The following MYO3A variants were observed in gnomAD, a reference collection of about 807,000 sequenced individuals.
The protein encoded by MYO3A is myosin IIIA, also known as myosin-IIIa.
A neutral mutation model predicts 192.7 loss-of-function variants in MYO3A; 180 were observed. The observed-to-expected ratio is 0.93, with a 90% confidence interval of 0.83 to 1.06. MYO3A has a LOEUF of 1.06. MYO3A is among the 50% of genes least tolerant of loss of function. The pLI is 0.00. For synonymous variants in MYO3A, 628 were observed against 645.3 expected (o/e 0.97, Z 0.41); for missense variants, 1,896 against 1,905.0 (o/e 1.00, Z 0.09).
chr10:26,151,526 A>T (rs1346678329), intron 23 of MYO3A, among the ~76,000 whole-genome samples: 1 of 152,024 alleles, frequency 6.6e-6, no homozygotes, highest in African/African-American at 2.4e-5. Context: ...ATCTTTTTCC[A>T]TACTCTTAAT....
intron 4 of MYO3A, among the ~76,000 whole-genome samples, chr10:25,956,263 G>A (rs1443930383): frequency 6.6e-6 from 1 of 151,924 alleles, no homozygotes; most frequent in Non-Finnish European, 1.5e-5. Flanking sequence ...AGGGGACACA[G>A]CCAAAGTGTA....
At chr10:25,983,269 T>A (rs1839443583) in intron 4 of MYO3A, among the ~76,000 whole-genome samples, 1 of 151,778 alleles carries the variant, frequency 6.6e-6, no homozygotes, top group South Asian at 2.1e-4. Flanking sequence ...TTGTTTTTTT[T>A]TTTTGAGACA....
chr10:25,992,338 T>C (rs1262370313), intron 4 of MYO3A, among the ~76,000 whole-genome samples: 1 of 152,236 alleles, frequency 6.6e-6, no homozygotes, highest in African/African-American at 2.4e-5. Flanking sequence ...TAAGAATGCT[T>C]GTGATTTTTG....
intron 3 of MYO3A, among the ~76,000 whole-genome samples, chr10:25,953,256 G>A (rs994342448): frequency 5.9e-5 from 9 of 151,992 alleles, no homozygotes; most frequent in South Asian, 2.1e-4. Flanking sequence ...CCATTTGTTC[G>A]TCTTAGGGTT....
At chr10:25,994,916 G>A (rs1392053395) in intron 4 of MYO3A, among the ~76,000 whole-genome samples, 6 of 152,156 alleles carry the variant, frequency 3.9e-5, no homozygotes, top group African/African-American at 9.7e-5. Flanking sequence ...TGGGTAACCC[G>A]ATCTTTCTCT....
intron 14 of MYO3A, among the ~76,000 whole-genome samples, chr10:26,077,431 T>C (rs1835662894): frequency 6.6e-6 from 1 of 151,838 alleles, no homozygotes; most frequent in Admixed American, 6.6e-5. Flanking sequence ...TAAATTATCA[T>C]ATCATCAGCA....
intron 22 of MYO3A, 74 bp from the exon 23 acceptor site, chr10:26,147,356 A>G (rs1840530431): frequency 7.2e-7 from 1 of 1,396,624 alleles, no homozygotes. Context: ...TCTGTTGTTG[A>G]TGATGATGAT....
At chr10:25,936,482 A>C (rs950443374) in intron 2 of MYO3A, among the ~76,000 whole-genome samples, 8 of 152,262 alleles carry the variant, frequency 5.3e-5, no homozygotes, top group Admixed American at 3.9e-4. Flanking sequence ...TCCTTTCATT[A>C]GTTTTGTCCG....
At chr10:26,207,300 T>C (rs773197008) in intron 34 of MYO3A, among the ~76,000 whole-genome samples, 1 of 152,202 alleles carries the variant, frequency 6.6e-6, no homozygotes, top group Admixed American at 6.5e-5. Flanking sequence ...ACCAATGTCA[T>C]GGAGGTTTTC....
intron 27 of MYO3A, among the ~76,000 whole-genome samples, chr10:26,167,482 T>G (rs1034530904): frequency 3.3e-5 from 5 of 152,212 alleles, no homozygotes; most frequent in African/African-American, 7.2e-5. Context: ...CTGAAACACA[T>G]GCCTAACTTC....
chr10:26,203,221 G>A, intron 34 of MYO3A, 114 bp downstream of exon 34: 1 of 1,173,690 alleles, frequency 8.5e-7, no homozygotes, highest in Non-Finnish European at 1.2e-6. Flanking sequence ...ACTGAATATT[G>A]CATCTTTGGA....
chr10:26,078,757 T>C (rs1190634269), intron 14 of MYO3A, among the ~76,000 whole-genome samples: 2 of 152,158 alleles, frequency 1.3e-5, no homozygotes, highest in Non-Finnish European at 2.9e-5. Context: ...TTGATTTTGT[T>C]TTTGACTCAA....
chr10:26,000,448 C>CA (rs967482500), intron 6 of MYO3A, among the ~76,000 whole-genome samples: 8 of 151,250 alleles, frequency 5.3e-5, no homozygotes, highest in Middle Eastern at 3.4e-3. Context: ...ATGCAAATTG[C>CA]AAAAAAAATG....
chr10:26,158,008 A>G (rs1468995939), intron 26 of MYO3A, among the ~76,000 whole-genome samples: 1 of 152,126 alleles, frequency 6.6e-6, no homozygotes, highest in Non-Finnish European at 1.5e-5. Context: ...TCCCCACAAC[A>G]AAGAATTATC....
intron 15 of MYO3A, among the ~76,000 whole-genome samples, chr10:26,091,619 G>T (rs1346192546): frequency 6.6e-6 from 1 of 152,172 alleles, no homozygotes; most frequent in Non-Finnish European, 1.5e-5. Context: ...GTGGAGAAAG[G>T]GAAATGTATT....
intron 20 of MYO3A, among the ~76,000 whole-genome samples, chr10:26,130,705 C>T (rs2131765851): frequency 6.6e-6 from 1 of 152,172 alleles, no homozygotes; most frequent in East Asian, 1.9e-4. Flanking sequence ...CAGACATTGG[C>T]AGTTGAGTAT....
chr10:26,104,717 T>A (rs1437949550), intron 17 of MYO3A, among the ~76,000 whole-genome samples: 1 of 151,992 alleles, frequency 6.6e-6, no homozygotes, highest in Non-Finnish European at 1.5e-5. Flanking sequence ...TTCTAGCACC[T>A]TTAAAAAAAT....
chr10:26,178,388 C>A (rs4539209), intron 31 of MYO3A, among the ~76,000 whole-genome samples: 49,664 of 151,738 alleles, frequency 0.33, 8,333 homozygotes, highest in South Asian at 0.44. Context: ...CCCTTCTCTA[C>A]TAAAAATACA....
intron 23 of MYO3A, among the ~76,000 whole-genome samples, chr10:26,147,777 A>T (rs1457963516): frequency 1.3e-5 from 2 of 152,212 alleles, no homozygotes; most frequent in Admixed American, 6.5e-5. Context: ...TGTTTGCAGC[A>T]GTCATGCAGA....
Sources: allele counts gnomAD v4.1 joint callset (sites outside exome capture counted in the v4.1 genomes callset), GRCh38; gene constraint gnomAD v4.1.1; transcripts MANE v1.5; gene names NCBI Gene and HGNC (gene_info 2026-07-23, HGNC 2026-07-21).